The following ERBB4 variants were observed in gnomAD, a reference collection of about 807,000 sequenced individuals.
ERBB4 encodes erb-b2 receptor tyrosine kinase 4.
A neutral mutation model predicts 158.0 loss-of-function variants in ERBB4; 42 were observed. That is an observed-to-expected ratio of 0.27 (90% CI 0.21 to 0.34). The LOEUF (loss-of-function observed/expected upper bound fraction) is 0.34. Among genes scored for constraint, ERBB4 ranks in the 10% least tolerant of loss-of-function variants. ERBB4 has a pLI of 1.00. For synonymous variants in ERBB4, 583 were observed against 558.7 expected, an observed-to-expected ratio of 1.04 and a Z score of -0.61; for missense variants, 1,333 against 1,624.1, an observed-to-expected ratio of 0.82 and a Z score of 3.08.
At chr2:212,493,128 C>T (rs529416738) in intron 1 of ERBB4, among the ~76,000 whole-genome samples, 6 of 151,214 alleles carry the variant, frequency 4.0e-5, no homozygotes, top group Non-Finnish European at 7.4e-5. Flanking sequence ...AATAAAGAAC[C>T]AAAGTTATTA....
At chr2:211,414,324 C>T (rs1009633566) in intron 25 of ERBB4, among the ~76,000 whole-genome samples, 2 of 151,896 alleles carry the variant, frequency 1.3e-5, no homozygotes, top group Non-Finnish European at 1.5e-5. Flanking sequence ...AGGTGAAACC[C>T]TGTCTCTACT....
intron 1 of ERBB4, among the ~76,000 whole-genome samples, chr2:212,185,315 C>A (rs2081986612): frequency 6.6e-6 from 1 of 151,696 alleles, no homozygotes; most frequent in Non-Finnish European, 1.5e-5. Context: ...AACCACCACA[C>A]CCAGCCAACA....
At chr2:212,426,753 C>G (rs759291567) in intron 1 of ERBB4, among the ~76,000 whole-genome samples, 1 of 152,014 alleles carries the variant, frequency 6.6e-6, no homozygotes, top group Non-Finnish European at 1.5e-5. Context: ...ATAACCATTA[C>G]AGATTGTGAG....
At chr2:211,772,920 C>T (rs1375295953) in intron 4 of ERBB4, among the ~76,000 whole-genome samples, 535 of 40,724 alleles carry the variant, frequency 0.013, 37 homozygotes, top group African/African-American at 0.025. Context: ...CACACACACA[C>T]ACACATATAT....
chr2:211,959,906 C>T, intron 2 of ERBB4, among the ~76,000 whole-genome samples: 1 of 151,984 alleles, frequency 6.6e-6, no homozygotes. Context: ...GTTTAAGATG[C>T]AACGATGGAA....
At chr2:211,855,359 A>G (rs1478475191) in intron 3 of ERBB4, among the ~76,000 whole-genome samples, 1 of 152,140 alleles carries the variant, frequency 6.6e-6, no homozygotes, top group Non-Finnish European at 1.5e-5. Flanking sequence ...AGATTTATCA[A>G]TCTTTTGCTT....
At chr2:211,608,194 C>T (rs540640346) in intron 19 of ERBB4, among the ~76,000 whole-genome samples, 28 of 152,260 alleles carry the variant, frequency 1.8e-4, no homozygotes, top group African/African-American at 6.7e-4. Context: ...CATCAACTGG[C>T]TTTGAACAGT....
At chr2:211,854,052 A>G (rs567226120) in intron 3 of ERBB4, among the ~76,000 whole-genome samples, 1 of 152,250 alleles carries the variant, frequency 6.6e-6, no homozygotes, top group Non-Finnish European at 1.5e-5. Flanking sequence ...TATCCACCCA[A>G]AGGAACAATG....
intron 7 of ERBB4, among the ~76,000 whole-genome samples, chr2:211,716,380 A>G (rs1426489925): frequency 1.2e-3 from 85 of 73,704 alleles, no homozygotes; most frequent in South Asian, 4.9e-4. Context: ...AAAAAAAAAA[A>G]AAAAAAAAAA....
intron 1 of ERBB4, among the ~76,000 whole-genome samples, chr2:212,332,463 A>G (rs986964846): frequency 6.6e-6 from 1 of 152,094 alleles, no homozygotes; most frequent in African/African-American, 2.4e-5. Context: ...AAATGCCTCT[A>G]TAAGCCTGAG....
rs1559372717 is a variant in ERBB4, at chr2:211,639,875, A to T, written c.1947-9281T>A. On this transcript the variant is annotated intron_variant, in intron 16 of 27. Transcript: ENST00000342788. Reference sequence around the variant, plus strand: ...TAGCTGAGATTACAGGCACCCCCCCACCATGCCCAGCTAATGTTTGTATTT... The same window carrying T: ...TAGCTGAGATTACAGGCACCCCCCCTCCATGCCCAGCTAATGTTTGTATTT... Among the ~76,000 whole-genome samples the T allele has an allele frequency of 2.0e-5, 3 of 151,900 alleles. No individual in the cohort carries two copies. In the East Asian group the frequency reaches 5.9e-4, roughly 30 times the overall value.
intron 1 of ERBB4, among the ~76,000 whole-genome samples, chr2:212,160,168 A>T (rs1575724569): frequency 6.6e-6 from 1 of 151,930 alleles, no homozygotes. Flanking sequence ...TTTGGGTTCA[A>T]CTTACGCAGG....
chr2:212,182,707 G>T (rs2125693356), intron 1 of ERBB4, among the ~76,000 whole-genome samples: 1 of 151,894 alleles, frequency 6.6e-6, no homozygotes, highest in Non-Finnish European at 1.5e-5. Context: ...TTAAACATAG[G>T]TGGGAGTTTT....
At chr2:211,702,977 C>G (rs539352077) in intron 11 of ERBB4, among the ~76,000 whole-genome samples, 1 of 152,154 alleles carries the variant, frequency 6.6e-6, no homozygotes, top group East Asian at 1.9e-4. Context: ...TTTCCATTCT[C>G]TAAAGAATAA....
chr2:212,432,321 AAC>A (rs1574908697), intron 1 of ERBB4, among the ~76,000 whole-genome samples: 1 of 152,164 alleles, frequency 6.6e-6, no homozygotes, highest in East Asian at 1.9e-4. Context: ...AATATTAAAA[AAC>A]AGTCAGCAAT....
chr2:211,799,588 G>A (rs962002863), intron 3 of ERBB4, among the ~76,000 whole-genome samples: 2 of 152,120 alleles, frequency 1.3e-5, no homozygotes, highest in Non-Finnish European at 2.9e-5. Context: ...CAGCCTTTCA[G>A]GAAGGGAATT....
At chr2:211,449,201 G>C (rs1836750) in intron 20 of ERBB4, among the ~76,000 whole-genome samples, 128 of 152,214 alleles carry the variant, frequency 8.4e-4, no homozygotes, top group African/African-American at 3.0e-3. Context: ...TAAAGATAAG[G>C]TGCATTTTCA....
chr2:212,293,847 C>CAAAAAAAAAAAAAAAAAAAA (rs1201724620), intron 1 of ERBB4, among the ~76,000 whole-genome samples: 1 of 63,784 alleles, frequency 1.6e-5, no homozygotes, highest in Non-Finnish European at 2.5e-5. Flanking sequence ...GACTCTGTCT[C>CAAAAAAAAAAAAAAAAAAAA]AAAAAAAAAA....
At chr2:212,071,901 T>C (rs2125447037) in intron 2 of ERBB4, among the ~76,000 whole-genome samples, 1 of 152,168 alleles carries the variant, frequency 6.6e-6, no homozygotes, top group East Asian at 1.9e-4. Context: ...AGTCTTACTA[T>C]GTGCCAGTCT....
Sources: allele counts gnomAD v4.1 joint callset (sites outside exome capture counted in the v4.1 genomes callset), GRCh38; gene constraint gnomAD v4.1.1; transcripts MANE v1.5; gene names NCBI Gene and HGNC (gene_info 2026-07-23, HGNC 2026-07-21).